PTPRD: variants seen among roughly 807,000 people sequenced by gnomAD.
The protein encoded by PTPRD is receptor-type tyrosine-protein phosphatase delta.
PTPRD carries 34 observed loss-of-function variants against 214.5 expected under a neutral mutation model. The ratio of observed to expected loss-of-function variants is 0.16; its 90% CI spans 0.12 to 0.21. The LOEUF (loss-of-function observed/expected upper bound fraction) is 0.21. Among genes scored for constraint, PTPRD ranks in the 10% least tolerant of loss-of-function variants. The pLI is 1.00. For synonymous variants in PTPRD, 1,128 were observed against 845.7 expected, an observed-to-expected ratio of 1.33 and a Z score of -5.79; for missense variants, 2,545 against 2,398.7, an observed-to-expected ratio of 1.06 and a Z score of -1.27.
In PTPRD at chr9:8,484,849, A is replaced by C. The variant is rs547394532; in HGVS notation, c.3153+378T>G. 3.5e-4 allele frequency among the ~76,000 whole-genome samples: 53 copies of C among 152,338 alleles called. 1 individual carries two copies. In the South Asian group the frequency reaches 8.3e-3, roughly 24 times the overall value. On this transcript the variant is annotated intron_variant, in intron 29 of 45. Coordinates refer to ENST00000381196, the MANE Select transcript of PTPRD (RefSeq NM_002839.4). Reference sequence around the variant, plus strand: ...CTCTTAATGGCAAGCCAGAGTTTAAAATGTGCCAAGAATACAGGCCAACAA... The same window carrying C: ...CTCTTAATGGCAAGCCAGAGTTTAACATGTGCCAAGAATACAGGCCAACAA...
intron 34 of PTPRD, among the ~76,000 whole-genome samples, chr9:8,444,289 A>C (rs184147797): frequency 2.8e-4 from 42 of 152,290 alleles, no homozygotes; most frequent in Admixed American, 2.0e-3. Context: ...TAAAAAGAAG[A>C]CATAATACAC....
At chr9:9,346,605 T>C (rs2048892919) in intron 9 of PTPRD, among the ~76,000 whole-genome samples, 1 of 152,182 alleles carries the variant, frequency 6.6e-6, no homozygotes. Context: ...TACGGATGTA[T>C]ATAAAGCACT....
intron 2 of PTPRD, among the ~76,000 whole-genome samples, chr9:10,535,449 A>G (rs551626852): frequency 1.3e-5 from 2 of 152,080 alleles, no homozygotes; most frequent in African/African-American, 4.8e-5. Context: ...CAACAATGCC[A>G]TTTATTTGTA....
chr9:8,924,211 G>A (rs1156941083), intron 11 of PTPRD, among the ~76,000 whole-genome samples: 3 of 148,734 alleles, frequency 2.0e-5, no homozygotes, highest in Non-Finnish European at 4.4e-5. Flanking sequence ...ACTGAAAAAG[G>A]ATCAACATTG....
intron 2 of PTPRD, among the ~76,000 whole-genome samples, chr9:10,525,152 T>C (rs1336810628): frequency 1.3e-5 from 2 of 152,104 alleles, no homozygotes; most frequent in African/African-American, 2.4e-5. Context: ...ATCCAAATTA[T>C]TATTTAATTT....
At chr9:9,339,801 G>C (rs1020438669) in intron 9 of PTPRD, among the ~76,000 whole-genome samples, 2 of 152,132 alleles carry the variant, frequency 1.3e-5, no homozygotes, top group African/African-American at 2.4e-5. Context: ...ACTACTTTGA[G>C]ACTATAGCAA....
At chr9:10,516,276 T>C (rs2050073365) in intron 2 of PTPRD, among the ~76,000 whole-genome samples, 1 of 151,960 alleles carries the variant, frequency 6.6e-6, no homozygotes, top group Non-Finnish European at 1.5e-5. Flanking sequence ...CTAACTGGCA[T>C]GAGGTGATAT....
intron 8 of PTPRD, among the ~76,000 whole-genome samples, chr9:9,446,869 C>G (rs1005149137): frequency 2.0e-5 from 3 of 152,064 alleles, no homozygotes; most frequent in South Asian, 2.1e-4. Flanking sequence ...TGAACAGACA[C>G]TTTTCAAAAG....
chr9:8,556,289 T>G (rs1564313516), intron 14 of PTPRD, among the ~76,000 whole-genome samples: 1 of 152,210 alleles, frequency 6.6e-6, no homozygotes, highest in Non-Finnish European at 1.5e-5. Context: ...TGGGTCATGT[T>G]TGATTACTCA....
At chr9:8,743,053 G>C (rs1298264534) in intron 11 of PTPRD, among the ~76,000 whole-genome samples, 1 of 146,400 alleles carries the variant, frequency 6.8e-6, no homozygotes, top group Non-Finnish European at 1.5e-5. Context: ...TGCCAAAGGT[G>C]GGAAACCCTG....
intron 3 of PTPRD, among the ~76,000 whole-genome samples, chr9:10,165,402 G>C (rs1437072201): frequency 1.3e-5 from 2 of 151,678 alleles, no homozygotes; most frequent in Non-Finnish European, 1.5e-5. Context: ...GGATTTCTAA[G>C]TTAAAACAGA....
chr9:10,347,148 C>G (rs986795533), intron 2 of PTPRD, among the ~76,000 whole-genome samples: 2 of 152,136 alleles, frequency 1.3e-5, no homozygotes, highest in Admixed American at 6.6e-5. Context: ...TCTTTCTCTA[C>G]TCTTCTTTTC....
At chr9:8,711,686 T>C (rs956873514) in intron 12 of PTPRD, among the ~76,000 whole-genome samples, 4 of 152,184 alleles carry the variant, frequency 2.6e-5, no homozygotes, top group South Asian at 4.1e-4. Context: ...ATTAGGTTGG[T>C]TGGGAGGTGG....
At chr9:9,678,528 C>G (rs1595005584) in intron 7 of PTPRD, among the ~76,000 whole-genome samples, 1 of 151,804 alleles carries the variant, frequency 6.6e-6, no homozygotes, top group East Asian at 1.9e-4. Context: ...AATAAAAAAT[C>G]CTTCGTATTT....
At chr9:10,283,771 C>T (rs982353078) in intron 3 of PTPRD, among the ~76,000 whole-genome samples, 2 of 152,166 alleles carry the variant, frequency 1.3e-5, no homozygotes, top group Non-Finnish European at 2.9e-5. Context: ...TGTGTATTTT[C>T]TGAAGTAAAG....
chr9:9,310,774 C>T lies in PTPRD; in HGVS notation c.-203+86675G>A, dbSNP rs967756373. Among the ~76,000 whole-genome samples, 9 of 151,856 alleles carry T rather than the reference C, an allele frequency of 5.9e-5. No individual in the cohort carries two copies. The South Asian group carries it at 6.2e-4, about 11-fold the overall frequency. On this transcript the variant is annotated intron_variant, in intron 9 of 45. Coordinates refer to ENST00000381196, the MANE Select transcript of PTPRD (RefSeq NM_002839.4). ...CTCTACTAAAAATACAAAAATTAGC[C>T]GGGCATGGTGGCAAATGCCTGTAAT...
intron 11 of PTPRD, among the ~76,000 whole-genome samples, chr9:8,947,649 G>A (rs2099074275): frequency 6.6e-6 from 1 of 151,928 alleles, no homozygotes; most frequent in African/African-American, 2.4e-5. Flanking sequence ...CTAGAGTTCT[G>A]TGCTTTTGTT....
intron 7 of PTPRD, among the ~76,000 whole-genome samples, chr9:9,700,826 G>C (rs182865865): frequency 1.3e-5 from 2 of 152,094 alleles, no homozygotes; most frequent in East Asian, 1.9e-4. Context: ...CAGATCCTAA[G>C]ATTTTGGAAT....
At chr9:10,164,547 A>G (rs961766513) in intron 3 of PTPRD, among the ~76,000 whole-genome samples, 60 of 151,616 alleles carry the variant, frequency 4.0e-4, no homozygotes, top group African/African-American at 1.4e-3. Flanking sequence ...CACTAACTTC[A>G]TATTACAGTT....
Sources: gnomAD v4.1 joint callset for allele counts (sites outside exome capture counted in the v4.1 genomes callset) on GRCh38, gnomAD v4.1.1 for gene constraint, MANE v1.5 for transcripts, NCBI Gene and HGNC (gene_info 2026-07-23, HGNC 2026-07-21) for gene names.